LRRIQ3: variants seen among roughly 807,000 people sequenced by gnomAD.
LRRIQ3 encodes the protein leucine-rich repeat and IQ domain-containing protein 3.
In LRRIQ3, 75 loss-of-function variants were observed where a neutral mutation model predicts 59.3. The observed-to-expected ratio is 1.26, with a 90% confidence interval of 1.05 to 1.53. LRRIQ3 has a LOEUF of 1.53. LRRIQ3 is among the 40% of genes most tolerant of loss of function. The probability of loss-of-function intolerance (pLI) is 0.00; values close to 1 mark genes in which losing one functional copy is unlikely to be tolerated. For missense variants in LRRIQ3, 831 were observed against 710.0 expected (o/e 1.17, Z -1.94); for synonymous variants, 250 against 231.3 (o/e 1.08, Z -0.73).
intron 5 of LRRIQ3, among the ~76,000 whole-genome samples, chr1:74,100,785 C>G (rs900731314): frequency 6.6e-6 from 1 of 152,028 alleles, no homozygotes; most frequent in African/African-American, 2.4e-5. Context: ...CTTTGACAAA[C>G]CTGACAAAAA....
At chr1:74,147,348 A>T (rs899399264) in intron 4 of LRRIQ3, among the ~76,000 whole-genome samples, 1 of 152,210 alleles carries the variant, frequency 6.6e-6, no homozygotes, top group Non-Finnish European at 1.5e-5. Flanking sequence ...TGAAATAAAT[A>T]AATTTTTCTC....
chr1:74,026,718 G>C lies in LRRIQ3; in HGVS notation c.*95C>G. The C allele has an allele frequency of 2.2e-6, 2 of 902,394 alleles. No homozygotes were observed. Among genetic ancestry groups the C allele is most frequent in the Non-Finnish European group, 1.7e-6 (1 of 596,238 alleles). The allele number at this position is 902,394 out of a possible 1,614,324, so 55.9% of individuals were successfully genotyped here. ...ATATATAAATCCATCTTGTGATGTA[G>C]AGTATTTCTTGCTTTAGAGTATTAT... On this transcript the variant is annotated 3_prime_UTR_variant, in exon 8 of 8. Coordinates refer to ENST00000354431, the MANE Select transcript of LRRIQ3 (RefSeq NM_001105659.2).
chr1:74,143,527 C>G (rs114429967), intron 4 of LRRIQ3, among the ~76,000 whole-genome samples: 29 of 151,772 alleles, frequency 1.9e-4, no homozygotes, highest in African/African-American at 6.5e-4. Context: ...ACATTTTTCA[C>G]GCAAATGTTG....
chr1:74,162,047 C>T (rs1283356583), intron 3 of LRRIQ3, among the ~76,000 whole-genome samples: 1 of 151,744 alleles, frequency 6.6e-6, no homozygotes, highest in Non-Finnish European at 1.5e-5. Context: ...GGGTAAATAA[C>T]CTATCTGTAT....
chr1:74,111,836 A>G (rs1002246418), intron 4 of LRRIQ3, among the ~76,000 whole-genome samples: 1 of 151,968 alleles, frequency 6.6e-6, no homozygotes, highest in Non-Finnish European at 1.5e-5. Flanking sequence ...TCCCTCTACT[A>G]CTGGGTCCCA....
chr1:74,049,145 A>G lies in LRRIQ3; in HGVS notation c.998-7212T>C, dbSNP rs1654288099. Among the ~76,000 whole-genome samples, 8 of 152,320 alleles carry G rather than the reference A, an allele frequency of 5.3e-5. No individual in the cohort carries two copies. The South Asian group carries it at 1.7e-3, about 32-fold the overall frequency. On this transcript the variant is annotated intron_variant, in intron 6 of 7. Coordinates refer to ENST00000354431, the MANE Select transcript of LRRIQ3 (RefSeq NM_001105659.2). ...ATATAAAGGCAGTAGACAGAAGCACATTTAGCCTGCTAGGGATACAGAGAG... is the reference window on the plus strand; with the variant it reads ...ATATAAAGGCAGTAGACAGAAGCACGTTTAGCCTGCTAGGGATACAGAGAG...
chr1:74,069,298 A>T (rs1654953765), intron 6 of LRRIQ3, among the ~76,000 whole-genome samples: 2 of 152,192 alleles, frequency 1.3e-5, no homozygotes, highest in African/African-American at 4.8e-5. Context: ...CACTAACAGA[A>T]CACACACTTT....
intron 6 of LRRIQ3, among the ~76,000 whole-genome samples, chr1:74,054,792 A>C (rs937419179): frequency 4.7e-5 from 7 of 147,788 alleles, no homozygotes; most frequent in Admixed American, 2.0e-4. Context: ...ATAAATACAC[A>C]CATACATACA....
chr1:74,130,345 G>A (rs1646994897), intron 4 of LRRIQ3, among the ~76,000 whole-genome samples: 1 of 152,046 alleles, frequency 6.6e-6, no homozygotes, highest in Non-Finnish European at 1.5e-5. Context: ...ATGAGCACTG[G>A]CTGAGTTCCA....
At chr1:74,042,438 G>A (rs1277310290) in intron 6 of LRRIQ3, among the ~76,000 whole-genome samples, 1 of 152,012 alleles carries the variant, frequency 6.6e-6, no homozygotes, top group African/African-American at 2.4e-5. Flanking sequence ...TGCCTTATTT[G>A]GACATAATCA....
At chr1:74,113,973 A>C (rs10890109) in intron 4 of LRRIQ3, among the ~76,000 whole-genome samples, 11,094 of 151,594 alleles carry the variant, frequency 0.073, 446 homozygotes, top group South Asian at 0.14. Flanking sequence ...CTCTCTCTCT[A>C]TATATATACA....
intron 5 of LRRIQ3, among the ~76,000 whole-genome samples, chr1:74,080,589 T>C (rs549649348): frequency 6.6e-6 from 1 of 151,706 alleles, no homozygotes; most frequent in South Asian, 2.1e-4. Flanking sequence ...CTAGTTTGAG[T>C]TTCCCAACTT....
At chr1:74,063,078 A>AC (rs56298695) in intron 6 of LRRIQ3, among the ~76,000 whole-genome samples, 171 of 146,590 alleles carry the variant, frequency 1.2e-3, no homozygotes, top group Non-Finnish European at 1.5e-3. Flanking sequence ...ACAAAACAAA[A>AC]AAAATCAAAA....
Position 74,099,257 on chromosome 1 carries a change from A to G in LRRIQ3, c.867+10137T>C, listed in dbSNP as rs559021039. On this transcript the variant is annotated intron_variant, in intron 5 of 7. Transcript: ENST00000354431. ...TAATCCCACAGAAATACAAACTACC[A>G]TCAGAGAATACTATAAACACCTCTA... Among the ~76,000 whole-genome samples the G allele has an allele frequency of 4.6e-5, 7 of 152,330 alleles. No homozygotes were observed. In the South Asian group the frequency reaches 1.4e-3, roughly 32 times the overall value.
At chr1:74,194,740 C>A (rs985659629) in intron 1 of LRRIQ3, among the ~76,000 whole-genome samples, 1 of 152,134 alleles carries the variant, frequency 6.6e-6, no homozygotes, top group African/African-American at 2.4e-5. Flanking sequence ...GAAATTAGCA[C>A]GACAAATATT....
chr1:74,073,435 T>TG (rs1262416900), intron 6 of LRRIQ3, among the ~76,000 whole-genome samples: 4 of 151,768 alleles, frequency 2.6e-5, no homozygotes, highest in Admixed American at 6.6e-5. Context: ...CGCTTGATCC[T>TG]GGGGGGTCGA....
At chr1:74,090,512 A>T (rs955689906) in intron 5 of LRRIQ3, among the ~76,000 whole-genome samples, 4 of 152,086 alleles carry the variant, frequency 2.6e-5, no homozygotes, top group African/African-American at 9.7e-5. Flanking sequence ...TGAAAATAAA[A>T]TTTGGAGAGT....
At chr1:74,051,323 G>A (rs1654363861) in intron 6 of LRRIQ3, among the ~76,000 whole-genome samples, 1 of 152,066 alleles carries the variant, frequency 6.6e-6, no homozygotes, top group Non-Finnish European at 1.5e-5. Flanking sequence ...TTAAAACATT[G>A]CTTTTTGATT....
chr1:74,190,235 A>G (rs1424906163), intron 1 of LRRIQ3, among the ~76,000 whole-genome samples: 1 of 152,182 alleles, frequency 6.6e-6, no homozygotes, highest in Non-Finnish European at 1.5e-5. Context: ...AACAACTAGG[A>G]TTAATATGCT....
Sources: gnomAD v4.1 joint callset for allele counts (sites outside exome capture counted in the v4.1 genomes callset) on GRCh38, gnomAD v4.1.1 for gene constraint, MANE v1.5 for transcripts, NCBI Gene and HGNC (gene_info 2026-07-23, HGNC 2026-07-21) for gene names.